GNB1L: variants seen among roughly 807,000 people sequenced by gnomAD.
The protein encoded by GNB1L is guanine nucleotide-binding protein subunit beta-like protein 1.
In GNB1L, 20 loss-of-function variants were observed where a neutral mutation model predicts 29.1. The ratio of observed to expected loss-of-function variants is 0.69; its 90% CI spans 0.48 to 1.00. GNB1L has a LOEUF of 1.00. Ranked by LOEUF, GNB1L falls within the 50% of genes least tolerant of loss-of-function variation. The pLI, the probability that GNB1L is intolerant of heterozygous loss-of-function variation, is 0.00. For synonymous variants in GNB1L, 193 were observed against 206.5 expected, an observed-to-expected ratio of 0.93 and a Z score of 0.56; for missense variants, 421 against 464.9, an observed-to-expected ratio of 0.91 and a Z score of 0.87.
intron 2 of GNB1L, among the ~76,000 whole-genome samples, chr22:19,828,804 T>C (rs533483667): frequency 1.3e-5 from 2 of 151,316 alleles, no homozygotes; most frequent in South Asian, 2.1e-4. Flanking sequence ...AGCCTACTAG[T>C]GATTGGAGAA....
Position 19,821,347 on chromosome 22 carries a change from G to A in GNB1L, c.9C>T (p.Ala3=). 1.2e-6 allele frequency: 2 copies of A among 1,612,396 alleles called. No homozygotes were observed. The highest frequency in any genetic ancestry group is 2.2e-5 in the East Asian group (1 of 44,880). Residue 3 remains alanine, a synonymous_variant, in exon 3 of 8, where the codon GCC becomes GCT. Transcript: ENST00000329517. MT[A]PCPPPPPDPQ... Reference sequence around the variant, plus strand: ...GGTCTGGAGGTGGCGGCGGGCAGGGGGCCGTCATGCTGGGCAGGATGCAGT... The same window carrying A: ...GGTCTGGAGGTGGCGGCGGGCAGGGAGCCGTCATGCTGGGCAGGATGCAGT...
intron 6 of GNB1L, among the ~76,000 whole-genome samples, chr22:19,805,391 C>T (rs1937421658): frequency 6.6e-6 from 1 of 152,212 alleles, no homozygotes; most frequent in African/African-American, 2.4e-5. Flanking sequence ...ACAGGCCCAT[C>T]CGGTCTCGCT....
chr22:19,829,085 G>A (rs1425598931), intron 2 of GNB1L, among the ~76,000 whole-genome samples: 2 of 152,164 alleles, frequency 1.3e-5, no homozygotes, highest in East Asian at 1.9e-4. Context: ...GCCCATCTTG[G>A]CCTCCCAAAG....
intron 7 of GNB1L, among the ~76,000 whole-genome samples, chr22:19,795,035 T>G (rs1601319646): frequency 6.6e-6 from 1 of 152,074 alleles, no homozygotes; most frequent in Middle Eastern, 3.4e-3. Context: ...TTTTTAAATA[T>G]CAAGAGGTCA....
chr22:19,824,891 T>G (rs1260220912), intron 2 of GNB1L, among the ~76,000 whole-genome samples: 2 of 152,232 alleles, frequency 1.3e-5, no homozygotes, highest in African/African-American at 4.8e-5. Flanking sequence ...CTTGGGCTCC[T>G]GGGGGTTCAT....
intron 5 of GNB1L, among the ~76,000 whole-genome samples, chr22:19,810,259 TAC>T (rs1937483795): frequency 6.6e-6 from 1 of 151,994 alleles, no homozygotes; most frequent in African/African-American, 2.4e-5. Flanking sequence ...TACACGGCCA[TAC>T]ACAGTCCCCA....
intron 6 of GNB1L, 107 bp downstream of exon 6, chr22:19,806,550 GGT>G: frequency 1.5e-6 from 1 of 672,432 alleles, no homozygotes; most frequent in African/African-American, 1.8e-5. Flanking sequence ...GCGGCAGGGG[GGT>G]GGGGTGTTGC....
At chr22:19,792,377 G>A in intron 7 of GNB1L, 2 of 1,409,966 alleles carry the variant, frequency 1.4e-6, no homozygotes, top group Admixed American at 3.4e-5. Context: ...AGAAAGTGGT[G>A]AATCCCCTGT....
intron 2 of GNB1L, among the ~76,000 whole-genome samples, chr22:19,829,414 AAAAC>A (rs2145888376): frequency 6.6e-6 from 1 of 152,334 alleles, no homozygotes; most frequent in Non-Finnish European, 1.5e-5. Flanking sequence ...AATAAAATAA[AAAAC>A]AAAAAGGTCT....
At chr22:19,829,869 C>T (rs1937655858) in intron 2 of GNB1L, among the ~76,000 whole-genome samples, 1 of 151,904 alleles carries the variant, frequency 6.6e-6, no homozygotes, top group African/African-American at 2.4e-5. Flanking sequence ...ATATACATCC[C>T]CCTTGGTCCT....
In GNB1L at chr22:19,816,830, C is replaced by A. The variant is rs962771943; in HGVS notation, c.254+3768G>T. ...TTCACTGACATGCCCAACAAGCGAG[C>A]CTGCCACCTGCCCTCACCAACCTCC... On this transcript the variant is annotated intron_variant, in intron 4 of 7. Transcript: ENST00000329517. This position sits in a 1 kb window ranked among gnomAD's most constrained non-coding sequence, Gnocchi z 4.4. 4.6e-5 allele frequency among the ~76,000 whole-genome samples: 7 copies of A among 152,206 alleles called. No individual in the cohort carries two copies. Among genetic ancestry groups the A allele is most frequent in the African/African-American group, 1.7e-4 (7 of 41,456 alleles).
intron 5 of GNB1L, among the ~76,000 whole-genome samples, chr22:19,811,066 C>CG (rs1160124676): frequency 1.3e-5 from 2 of 152,158 alleles, no homozygotes; most frequent in Non-Finnish European, 2.9e-5. Flanking sequence ...CCTTGGGTCC[C>CG]GGGGGAGGAA....
chr22:19,850,745 G>A lies in GNB1L; in HGVS notation c.-21+3698C>T, dbSNP rs75103145. 3,693 of 1,240,814 alleles carry A rather than the reference G, an allele frequency of 3.0e-3. 81 individuals carry two copies. The African/African-American group carries it at 0.051, about 17-fold the overall frequency. The allele number at this position is 1,240,814 out of a possible 1,614,324, so 76.9% of individuals were successfully genotyped here. A position where few individuals can be genotyped will look rare whatever the true frequency, so the allele number is the denominator to read the frequency against. Reference sequence around the variant, plus strand: ...AGACACAGAAACCCCATACAGGAACGAGGTCCCAACAGGGCAGACGTGGCA... The same window carrying A: ...AGACACAGAAACCCCATACAGGAACAAGGTCCCAACAGGGCAGACGTGGCA... On this transcript the variant is annotated intron_variant, in intron 2 of 7. Transcript: ENST00000329517.
chr22:19,788,908 C>T lies in GNB1L; in HGVS notation c.785G>A (p.Arg262Gln), dbSNP rs780631567. Residue 262 changes from arginine (R) to glutamine (Q), a missense_variant, in exon 8 of 8, where the codon CGG (arginine) becomes CAG (glutamine). Physicochemically the swap from Arg to Gln is conservative, Grantham distance 43 (BLOSUM62 1). Coordinates refer to ENST00000329517, the MANE Select transcript of GNB1L (RefSeq NM_053004.3). ...TNPGIAEVTIRPDRKILATAG... is the reference protein window; with the variant it reads ...TNPGIAEVTIQPDRKILATAG... ...GGTGGCCAGGATCTTGCGATCTGGC[C>T]GGATCGTGACCTCGGCGATCCCGGG... The T allele has an allele frequency of 2.9e-5, 46 of 1,611,924 alleles. No individual in the cohort carries two copies. Among genetic ancestry groups the T allele is most frequent in the East Asian group, 4.5e-5 (2 of 44,858 alleles).
intron 2 of GNB1L, among the ~76,000 whole-genome samples, chr22:19,854,028 G>A (rs1938175481): frequency 6.6e-6 from 1 of 152,154 alleles, no homozygotes; most frequent in Non-Finnish European, 1.5e-5. Flanking sequence ...CTGGGAGAAG[G>A]CTTCCCTGCA....
rs41298864 is a variant in GNB1L at position 19,784,608 on chromosome 22, C to T, written c.*4101G>A. On this transcript the variant is annotated 3_prime_UTR_variant, in exon 8 of 8. Coordinates refer to ENST00000329517, the MANE Select transcript of GNB1L (RefSeq NM_053004.3). ...GCGGATGGGGTGCTGGCCGAACCTACCTTGTAAAGTGGGGCTGCACAGAGG... is the reference window on the plus strand; with the variant it reads ...GCGGATGGGGTGCTGGCCGAACCTATCTTGTAAAGTGGGGCTGCACAGAGG... The T allele has an allele frequency of 0.018, 2,721 of 152,472 alleles. 37 individuals are homozygous for T. The highest frequency in any genetic ancestry group is 0.03 in the Non-Finnish European group (2,024 of 68,118). The allele number at this position is 152,472 out of a possible 1,614,324, so 9.4% of individuals were successfully genotyped here.
chr22:19,833,528 G>A (rs190609967), intron 2 of GNB1L, among the ~76,000 whole-genome samples: 6 of 152,172 alleles, frequency 3.9e-5, no homozygotes, highest in Admixed American at 6.5e-5. Flanking sequence ...TCGTGCCACC[G>A]TACTCCAGCC....
intron 7 of GNB1L, chr22:19,792,414 A>G (rs1601318072): frequency 6.5e-7 from 1 of 1,539,486 alleles, no homozygotes; most frequent in Non-Finnish European, 8.9e-7. Flanking sequence ...GAATTTTGGC[A>G]TCGGACAGGA....
At chr22:19,850,764 C>T (rs1016941668) in intron 2 of GNB1L, 9 of 1,248,402 alleles carry the variant, frequency 7.2e-6, no homozygotes, top group Admixed American at 7.8e-5. Context: ...ACAGGGCAGA[C>T]GTGGCAGACC....
Sources: gnomAD v4.1 joint callset for allele counts (sites outside exome capture counted in the v4.1 genomes callset) on GRCh38, gnomAD v4.1.1 for gene constraint, Gnocchi (gnomAD v3.1) non-coding constraint, MANE v1.5 for transcripts, NCBI Gene and HGNC (gene_info 2026-07-23, HGNC 2026-07-21) for gene names.